The following RAB3C variants were observed in gnomAD, a reference collection of about 807,000 sequenced individuals.
The protein encoded by RAB3C is RAB3C, member RAS oncogene family.
A neutral mutation model predicts 26.4 loss-of-function variants in RAB3C; 17 were observed. The ratio of observed to expected loss-of-function variants is 0.64; its 90% CI spans 0.44 to 0.97. The LOEUF is 0.97. RAB3C is among the 50% of genes least tolerant of loss of function. The probability of loss-of-function intolerance (pLI) is 0.00; values close to 1 mark genes in which losing one functional copy is unlikely to be tolerated. For missense variants in RAB3C, 242 were observed against 281.9 expected, an observed-to-expected ratio of 0.86 and a Z score of 1.01; for synonymous variants, 91 against 95.9, an observed-to-expected ratio of 0.95 and a Z score of 0.30.
chr5:58,684,176 C>T (rs1579856199), intron 2 of RAB3C, among the ~76,000 whole-genome samples: 1 of 152,132 alleles, frequency 6.6e-6, no homozygotes. Flanking sequence ...ATTTACATAG[C>T]ATTTACATTG....
At chr5:58,602,623 T>C (rs1471502113) in intron 1 of RAB3C, among the ~76,000 whole-genome samples, 1 of 151,852 alleles carries the variant, frequency 6.6e-6, no homozygotes, top group East Asian at 1.9e-4. Context: ...TAACCACTGT[T>C]GCTTTAAAGT....
intron 2 of RAB3C, among the ~76,000 whole-genome samples, chr5:58,650,059 A>G (rs978916512): frequency 1.3e-5 from 2 of 152,244 alleles, no homozygotes; most frequent in African/African-American, 4.8e-5. Flanking sequence ...TTATATGGAA[A>G]GAATTTTCAA....
intron 3 of RAB3C, among the ~76,000 whole-genome samples, chr5:58,748,659 C>T (rs1308743707): frequency 1.3e-5 from 2 of 152,146 alleles, no homozygotes; most frequent in African/African-American, 4.8e-5. Context: ...GAAATATATA[C>T]ATATGAAATA....
intron 2 of RAB3C, among the ~76,000 whole-genome samples, chr5:58,672,615 T>A (rs2111826411): frequency 6.6e-6 from 1 of 152,312 alleles, no homozygotes; most frequent in African/African-American, 2.4e-5. Context: ...GGTTGGTTGG[T>A]TGTTTTTTCC....
chr5:58,857,806 T>C lies in RAB3C; in HGVS notation c.*6455T>C, dbSNP rs1416211205. ...TCATATATTCATCCTCAAACTCCCT[T>C]GTTTAATGCTAATTGGTGGCCTGGA... is the stretch of plus-strand genomic sequence containing the variant. On this transcript the variant is annotated 3_prime_UTR_variant, in exon 5 of 5. Coordinates refer to ENST00000282878, the MANE Select transcript of RAB3C (RefSeq NM_138453.4). 1 of 152,190 alleles carries C rather than the reference T, an allele frequency of 6.6e-6. No individual in the cohort carries two copies. The highest frequency in any genetic ancestry group is 1.5e-5 in the Non-Finnish European group (1 of 68,024). The allele number at this position is 152,190 out of a possible 1,614,324, so 9.4% of individuals were successfully genotyped here.
At chr5:58,794,447 T>C (rs1345206198) in intron 3 of RAB3C, 1 of 151,924 alleles carries the variant, frequency 6.6e-6, no homozygotes, top group Non-Finnish European at 1.5e-5. Context: ...ATATAACACT[T>C]CCAGTTTCCC....
intron 1 of RAB3C, among the ~76,000 whole-genome samples, chr5:58,609,561 C>A (rs1746650949): frequency 6.6e-6 from 1 of 152,136 alleles, no homozygotes; most frequent in African/African-American, 2.4e-5. Flanking sequence ...TATACATAAG[C>A]TGAGGGTTAT....
intron 3 of RAB3C, among the ~76,000 whole-genome samples, chr5:58,728,697 C>G (rs563183837): frequency 5.3e-5 from 8 of 151,998 alleles, no homozygotes; most frequent in Non-Finnish European, 2.9e-5. Context: ...TCAAATCTCC[C>G]GTGAGATACA....
chr5:58,804,690 T>C, intron 3 of RAB3C, among the ~76,000 whole-genome samples: 1 of 149,978 alleles, frequency 6.7e-6, no homozygotes, highest in Non-Finnish European at 1.5e-5. Flanking sequence ...TGTGTGTGTG[T>C]ATGTATGTAT....
chr5:58,739,776 C>T (rs1741237284), intron 3 of RAB3C, among the ~76,000 whole-genome samples: 1 of 152,196 alleles, frequency 6.6e-6, no homozygotes, highest in African/African-American at 2.4e-5. Context: ...TTTCTGTGGC[C>T]TCAATCTTAT....
At chr5:58,786,902 C>T (rs1006871458) in intron 3 of RAB3C, among the ~76,000 whole-genome samples, 2 of 151,962 alleles carry the variant, frequency 1.3e-5, no homozygotes, top group Admixed American at 6.6e-5. Flanking sequence ...CTGCCCAGCG[C>T]GTCCAGAAGT....
Position 58,856,944 on chromosome 5 carries a change from C to T in RAB3C, c.*5593C>T, listed in dbSNP as rs996547349. 8 of 152,094 alleles carry T rather than the reference C, an allele frequency of 5.3e-5. No homozygotes were observed. Among genetic ancestry groups the T allele is most frequent in the Non-Finnish European group, 8.8e-5 (6 of 68,016 alleles). The allele number at this position is 152,094 out of a possible 1,614,324, so 9.4% of individuals were successfully genotyped here. A position where few individuals can be genotyped will look rare whatever the true frequency, so the allele number is the denominator to read the frequency against. On this transcript the variant is annotated 3_prime_UTR_variant, in exon 5 of 5. Coordinates refer to ENST00000282878, the MANE Select transcript of RAB3C (RefSeq NM_138453.4). ...CTGTTAATATATTGTTAATGTCAGA[C>T]GTGATGTGATACCGTTAGACTGTCC...
chr5:58,632,783 A>T (rs1747212122), intron 2 of RAB3C, among the ~76,000 whole-genome samples: 2 of 152,094 alleles, frequency 1.3e-5, no homozygotes. Flanking sequence ...TTCTTTCCCT[A>T]CCAGCCTATT....
intron 3 of RAB3C, among the ~76,000 whole-genome samples, chr5:58,727,771 CTATTA>C (rs1286337293): frequency 6.6e-6 from 1 of 151,904 alleles, no homozygotes; most frequent in African/African-American, 2.4e-5. Context: ...GCCAGAAGTG[CTATTA>C]TAAGTTTTCC....
chr5:58,656,258 A>T (rs1239000637), intron 2 of RAB3C, among the ~76,000 whole-genome samples: 1 of 152,218 alleles, frequency 6.6e-6, no homozygotes, highest in East Asian at 1.9e-4. Context: ...ACAGAATGGG[A>T]TAAATAAAAC....
intron 2 of RAB3C, among the ~76,000 whole-genome samples, chr5:58,685,817 G>A (rs550226393): frequency 6.6e-6 from 1 of 152,078 alleles, no homozygotes; most frequent in African/African-American, 2.4e-5. Context: ...TAGATTCTAT[G>A]TATAAATAAA....
chr5:58,725,363 G>A (rs933481928), intron 2 of RAB3C, among the ~76,000 whole-genome samples: 6 of 151,660 alleles, frequency 4.0e-5, no homozygotes, highest in African/African-American at 1.5e-4. Flanking sequence ...TTCTCCAGTT[G>A]TCCTTGACCT....
At chr5:58,582,922 T>G (rs1487224643), upstream of RAB3C, 6 of 645,496 alleles carry the variant, frequency 9.3e-6, no homozygotes, top group African/African-American at 1.1e-4. Flanking sequence ...GACTGGCGGA[T>G]CGAGCCTGTT....
At chr5:58,676,573 G>C (rs1748232477) in intron 2 of RAB3C, among the ~76,000 whole-genome samples, 5 of 152,094 alleles carry the variant, frequency 3.3e-5, no homozygotes, top group Non-Finnish European at 2.9e-5. Context: ...GACTGGCAAG[G>C]GTTGAGAATT....
Sources: gnomAD v4.1 joint callset for allele counts (sites outside exome capture counted in the v4.1 genomes callset) on GRCh38, gnomAD v4.1.1 for gene constraint, MANE v1.5 for transcripts, NCBI Gene and HGNC (gene_info 2026-07-23, HGNC 2026-07-21) for gene names.